Variants in RCBTB1 observed in about 807,000 individuals in gnomAD.
RCBTB1 encodes the protein RCC1 and BTB domain-containing protein 1.
RCBTB1 carries 46 observed loss-of-function variants against 62.4 expected under a neutral mutation model. That is an observed-to-expected ratio of 0.74 (90% CI 0.58 to 0.94). RCBTB1 has a LOEUF of 0.94. Among genes scored for constraint, RCBTB1 ranks in the 40% least tolerant of loss-of-function variants. The pLI, the probability that RCBTB1 is intolerant of heterozygous loss-of-function variation, is 0.00. For missense variants in RCBTB1, 565 were observed against 654.9 expected (o/e 0.86, Z 1.50); for synonymous variants, 222 against 245.8 (o/e 0.90, Z 0.91).
chr13:49,582,224 T>C (rs1964143526), intron 1 of RCBTB1, among the ~76,000 whole-genome samples: 2 of 152,152 alleles, frequency 1.3e-5, no homozygotes, highest in African/African-American at 4.8e-5. Context: ...CAGTGGCTCA[T>C]GCCTGTAATC....
chr13:49,584,186 T>C (rs534260267), intron 1 of RCBTB1, among the ~76,000 whole-genome samples: 26 of 152,378 alleles, frequency 1.7e-4, no homozygotes, highest in South Asian at 1.7e-3. Context: ...TTGACAGCTT[T>C]GGGTTTTTAT....
chr13:49,564,583 CAAAAAAAA>C (rs10710755), intron 4 of RCBTB1, among the ~76,000 whole-genome samples: 3,842 of 39,436 alleles, frequency 0.097, 124 homozygotes, highest in South Asian at 0.28. Context: ...GACTCCTTCT[CAAAAAAAA>C]AAAAAAAAAA....
At chr13:49,536,668 G>T (rs1959967821) in intron 12 of RCBTB1, among the ~76,000 whole-genome samples, 1 of 152,184 alleles carries the variant, frequency 6.6e-6, no homozygotes, top group Non-Finnish European at 1.5e-5. Flanking sequence ...CCGACAGAAT[G>T]AAAGTCCTCT....
Position 49,551,618 on chromosome 13 carries a change from A to G in RCBTB1, c.712-150T>C, listed in dbSNP as rs1961351103. 11 of 943,174 alleles carry G rather than the reference A, an allele frequency of 1.2e-5. No homozygotes were observed. The South Asian group carries it at 1.7e-4, about 15-fold the overall frequency. 58.4% of individuals were successfully genotyped at this position (943,174 alleles called of 1,614,324 possible). On this transcript the variant is annotated intron_variant, in intron 7 of 12. Transcript: ENST00000378302. ...GCTGGAACATTAAAAAAGCATTAGAAGGCCGGGCGTGGTGGCTCATGCCTG... is the reference window on the plus strand; with the variant it reads ...GCTGGAACATTAAAAAAGCATTAGAGGGCCGGGCGTGGTGGCTCATGCCTG...
rs544867390 is a variant in RCBTB1, at chr13:49,582,252, C to G, written c.-121-1668G>C. On this transcript the variant is annotated intron_variant, in intron 1 of 12. Transcript: ENST00000378302. ...CTGTAATCCCAGCACTTTGGGAGGC[C>G]GAGGCAGGTGGATCATCTGATGTCA... 8.5e-5 allele frequency among the ~76,000 whole-genome samples: 13 copies of G among 152,178 alleles called. No individual in the cohort carries two copies. The South Asian group carries it at 1.0e-3, about 12-fold the overall frequency.
At chr13:49,553,728 G>T (rs1297055834) in intron 6 of RCBTB1, among the ~76,000 whole-genome samples, 1 of 152,150 alleles carries the variant, frequency 6.6e-6, no homozygotes, top group East Asian at 1.9e-4. Flanking sequence ...CGGAAAGGGG[G>T]AATGGACTTT....
chr13:49,579,257 T>G (rs1376898081), intron 2 of RCBTB1, among the ~76,000 whole-genome samples: 2 of 152,230 alleles, frequency 1.3e-5, no homozygotes, highest in Admixed American at 1.3e-4. Flanking sequence ...GCTGAGACAC[T>G]AATATGTTAT....
rs541480336 is a variant in RCBTB1 at position 49,548,931 on chromosome 13, G to A, written c.1045+527C>T. Among the ~76,000 whole-genome samples, 4 of 135,180 alleles carry A rather than the reference G, an allele frequency of 3.0e-5. 2 individuals are homozygous for A. Among genetic ancestry groups the A allele is most frequent in the Admixed American group, 1.4e-4 (2 of 14,434 alleles). 88.7% of individuals were successfully genotyped at this position (135,180 alleles called of 152,430 possible). On this transcript the variant is annotated intron_variant, in intron 9 of 12. Coordinates refer to ENST00000378302, the MANE Select transcript of RCBTB1 (RefSeq NM_018191.4). ...GTGGATCACCTGAGGTCAGGAGTTC[G>A]AGAACAGCCTGGCCAACATGGTGAA...
intron 7 of RCBTB1, 40 bp downstream of exon 7, chr13:49,552,138 G>A (rs1456327306): frequency 1.6e-6 from 2 of 1,281,092 alleles, no homozygotes; most frequent in African/African-American, 1.5e-5. Context: ...AGCAAGGAAG[G>A]TAGATGGGAA....
Position 49,533,768 on chromosome 13 carries a change from G to A in RCBTB1, c.*354C>T, listed in dbSNP as rs3186013. ...CCTGCTGTCAGAAGATTGTTGATAC[G>A]TGGCCCAGGAGAGTTGCTGCCAACT... On this transcript the variant is annotated 3_prime_UTR_variant, in exon 13 of 13. Coordinates refer to ENST00000378302, the MANE Select transcript of RCBTB1 (RefSeq NM_018191.4). 77,170 of 160,964 alleles carry A rather than the reference G, an allele frequency of 0.48. 18,973 individuals are homozygous for A. Among genetic ancestry groups the A allele is most frequent in the Middle Eastern group, 0.58 (190 of 326 alleles). The allele number at this position is 160,964 out of a possible 1,614,324, so 10.0% of individuals were successfully genotyped here. A position where few individuals can be genotyped will look rare whatever the true frequency, so the allele number is the denominator to read the frequency against.
rs983498680 is a variant in RCBTB1, at chr13:49,552,402, A to G, written c.604-117T>C. On this transcript the variant is annotated intron_variant, in intron 6 of 12. Coordinates refer to ENST00000378302, the MANE Select transcript of RCBTB1 (RefSeq NM_018191.4). ...ACTTCCAACACCTATATTCTACTCT[A>G]TGCTCCTGCAACTGATCTCCAAACA... is the stretch of plus-strand genomic sequence containing the variant. 7 of 607,050 alleles carry G rather than the reference A, an allele frequency of 1.2e-5. No individual in the cohort carries two copies. The Admixed American group carries it at 1.8e-4, about 16-fold the overall frequency. The allele number at this position is 607,050 out of a possible 1,614,324, so 37.6% of individuals were successfully genotyped here. A position where few individuals can be genotyped will look rare whatever the true frequency, so the allele number is the denominator to read the frequency against.
At chr13:49,572,571 G>T (rs1963479726) in intron 2 of RCBTB1, among the ~76,000 whole-genome samples, 1 of 152,208 alleles carries the variant, frequency 6.6e-6, no homozygotes, top group South Asian at 2.1e-4. Flanking sequence ...GGGAGGCTGA[G>T]GCAGGCAGAT....
chr13:49,568,574 C>T (rs61961403), intron 2 of RCBTB1, among the ~76,000 whole-genome samples: 34,611 of 151,536 alleles, frequency 0.23, 4,941 homozygotes, highest in East Asian at 0.55. Context: ...ACTCTCACGG[C>T]ATTTCAGTTT....
At chr13:49,556,146 CATAA>C (rs2139206504) in intron 5 of RCBTB1, among the ~76,000 whole-genome samples, 1 of 150,894 alleles carries the variant, frequency 6.6e-6, no homozygotes, top group South Asian at 2.1e-4. Flanking sequence ...ACTCTTTGGG[CATAA>C]ATATTCATTG....
chr13:49,563,351 G>A, intron 4 of RCBTB1, among the ~76,000 whole-genome samples: 1 of 46,326 alleles, frequency 2.2e-5, no homozygotes, highest in South Asian at 7.6e-4. Context: ...GAGAGACCCT[G>A]CCTCAAAAAA....
chr13:49,562,164 G>C (rs531148923), intron 4 of RCBTB1, among the ~76,000 whole-genome samples: 1 of 151,358 alleles, frequency 6.6e-6, no homozygotes, highest in African/African-American at 2.4e-5. Flanking sequence ...AATAGAAGAC[G>C]CTGAATCCAT....
At chr13:49,534,499 AAC>A (rs933951497) in intron 12 of RCBTB1, among the ~76,000 whole-genome samples, 44 of 151,980 alleles carry the variant, frequency 2.9e-4, no homozygotes, top group African/African-American at 1.0e-3. Flanking sequence ...GACTCTTCAA[AAC>A]ACACACGCGC....
intron 9 of RCBTB1, chr13:49,547,111 G>A (rs1960848907): frequency 5.4e-6 from 7 of 1,285,704 alleles, no homozygotes; most frequent in Non-Finnish European, 7.1e-6. Flanking sequence ...TGCCATACAT[G>A]TGCAATTCTG....
intron 9 of RCBTB1, among the ~76,000 whole-genome samples, chr13:49,545,666 A>AT (rs1006831218): frequency 6.6e-6 from 1 of 152,178 alleles, no homozygotes; most frequent in Admixed American, 6.5e-5. Flanking sequence ...TAATGGGGAA[A>AT]TTTTTTTAAA....
Sources: allele counts gnomAD v4.1 joint callset (sites outside exome capture counted in the v4.1 genomes callset), GRCh38; gene constraint gnomAD v4.1.1; transcripts MANE v1.5; gene names NCBI Gene and HGNC (gene_info 2026-07-23, HGNC 2026-07-21).